GALNTL6: variants seen among roughly 807,000 people sequenced by gnomAD.
GALNTL6 encodes the protein polypeptide N-acetylgalactosaminyltransferase-like 6.
A neutral mutation model predicts 73.7 loss-of-function variants in GALNTL6; 46 were observed. The observed-to-expected ratio is 0.62, with a 90% confidence interval of 0.49 to 0.80. GALNTL6 has a LOEUF of 0.80. Ranked by LOEUF, GALNTL6 falls within the 30% of genes least tolerant of loss-of-function variation. The pLI, the probability that GALNTL6 is intolerant of heterozygous loss-of-function variation, is 0.00. For missense variants in GALNTL6, 604 were observed against 755.0 expected, an observed-to-expected ratio of 0.80 and a Z score of 2.34; for synonymous variants, 259 against 263.7, an observed-to-expected ratio of 0.98 and a Z score of 0.17.
At chr4:172,896,177 T>C (rs1184561124) in intron 8 of GALNTL6, among the ~76,000 whole-genome samples, 1 of 152,200 alleles carries the variant, frequency 6.6e-6, no homozygotes, top group African/African-American at 2.4e-5. Context: ...TTCTTGATGC[T>C]TGTGGATATG....
At chr4:172,381,131 T>C (rs1743268613) in intron 5 of GALNTL6, among the ~76,000 whole-genome samples, 1 of 152,220 alleles carries the variant, frequency 6.6e-6, no homozygotes, top group African/African-American at 2.4e-5. Flanking sequence ...CTGTGAAGAT[T>C]ATACTTACTT....
At chr4:171,892,582 G>A (rs887179084) in intron 2 of GALNTL6, among the ~76,000 whole-genome samples, 1 of 151,974 alleles carries the variant, frequency 6.6e-6, no homozygotes, top group African/African-American at 2.4e-5. Context: ...CGTTTTTTAA[G>A]ACAAAGCCTC....
intron 3 of GALNTL6, among the ~76,000 whole-genome samples, chr4:172,238,038 C>A (rs542695509): frequency 2.0e-5 from 3 of 152,018 alleles, no homozygotes; most frequent in Non-Finnish European, 4.4e-5. Flanking sequence ...CAGCTTTGTT[C>A]TTTTTGCTTA....
chr4:172,876,426 G>A (rs1358494979), intron 7 of GALNTL6, among the ~76,000 whole-genome samples: 1 of 152,264 alleles, frequency 6.6e-6, no homozygotes, highest in East Asian at 1.9e-4. Flanking sequence ...ATTTGCATTT[G>A]TAAATCTAGG....
intron 5 of GALNTL6, among the ~76,000 whole-genome samples, chr4:172,694,284 T>C (rs1425610207): frequency 6.6e-6 from 1 of 152,156 alleles, no homozygotes; most frequent in East Asian, 1.9e-4. Context: ...CCTAATGTTC[T>C]CCCTCCCCTT....
chr4:172,107,733 G>A (rs1052097849), intron 2 of GALNTL6, among the ~76,000 whole-genome samples: 14 of 150,232 alleles, frequency 9.3e-5, no homozygotes, highest in African/African-American at 3.2e-4. Context: ...GTTAAATGAC[G>A]AGTTAATGGG....
chr4:172,119,300 T>A (rs993230246), intron 2 of GALNTL6, among the ~76,000 whole-genome samples: 3 of 152,306 alleles, frequency 2.0e-5, no homozygotes, highest in Non-Finnish European at 4.4e-5. Flanking sequence ...TCAGATTTAT[T>A]TCAGTGCACT....
chr4:172,400,853 C>T (rs1744010326), intron 5 of GALNTL6, among the ~76,000 whole-genome samples: 1 of 152,062 alleles, frequency 6.6e-6, no homozygotes, highest in Non-Finnish European at 1.5e-5. Flanking sequence ...CTAAACATGA[C>T]CACTCTATCG....
intron 2 of GALNTL6, among the ~76,000 whole-genome samples, chr4:172,021,691 CT>C (rs1741405825): frequency 6.6e-6 from 1 of 151,880 alleles, no homozygotes. Flanking sequence ...ACTTCAAATT[CT>C]ACTACAGAGC....
At chr4:172,590,719 G>C (rs777922670) in intron 5 of GALNTL6, among the ~76,000 whole-genome samples, 3 of 152,116 alleles carry the variant, frequency 2.0e-5, no homozygotes, top group African/African-American at 7.2e-5. Context: ...TACATACAAA[G>C]AGTAAATGCC....
intron 2 of GALNTL6, among the ~76,000 whole-genome samples, chr4:172,221,557 TTG>T (rs35277058): frequency 6.6e-6 from 1 of 150,532 alleles, no homozygotes; most frequent in Admixed American, 6.6e-5. Context: ...TTTGTGGAGT[TTG>T]TGTGTGTGTG....
chr4:172,557,717 G>A (rs1215213461), intron 5 of GALNTL6, among the ~76,000 whole-genome samples: 2 of 152,122 alleles, frequency 1.3e-5, no homozygotes, highest in Non-Finnish European at 2.9e-5. Context: ...TAGAATGGCT[G>A]ACATTTAAAA....
In GALNTL6 at chr4:172,292,929, T is replaced by C. The variant is rs959364487; in HGVS notation, c.248-18685T>C. Among the ~76,000 whole-genome samples, 9 of 152,286 alleles carry C rather than the reference T, an allele frequency of 5.9e-5. No individual in the cohort carries two copies. In the East Asian group the frequency reaches 1.2e-3, roughly 20 times the overall value. On this transcript the variant is annotated intron_variant, in intron 3 of 12. Transcript: ENST00000506823. ...GGAACAATTGAAAGTTTGTGAGACA[T>C]AGATCACTAGTAATTTTTCATTCCA... is the stretch of plus-strand genomic sequence containing the variant.
chr4:172,182,562 A>G (rs1279097400), intron 2 of GALNTL6, among the ~76,000 whole-genome samples: 1 of 150,812 alleles, frequency 6.6e-6, no homozygotes, highest in African/African-American at 2.4e-5. Context: ...CCAAAAAAAA[A>G]AAAAAAAAGT....
chr4:172,965,256 G>A (rs1301375204), intron 10 of GALNTL6, among the ~76,000 whole-genome samples: 2 of 152,172 alleles, frequency 1.3e-5, no homozygotes, highest in Admixed American at 6.5e-5. Context: ...TCAACATTGA[G>A]ACAGGGCTAT....
intron 10 of GALNTL6, among the ~76,000 whole-genome samples, chr4:172,964,146 G>A (rs1160399173): frequency 6.6e-6 from 1 of 152,192 alleles, no homozygotes; most frequent in Non-Finnish European, 1.5e-5. Flanking sequence ...CAGGTTTAAA[G>A]TGGAAAACTA....
chr4:172,109,022 A>G (rs1449755178), intron 2 of GALNTL6, among the ~76,000 whole-genome samples: 2 of 39,546 alleles, frequency 5.1e-5, no homozygotes, highest in Non-Finnish European at 1.1e-4. Flanking sequence ...CCAAAAAAAA[A>G]AAAAAAAAAA....
chr4:172,259,169 A>G (rs971459114), intron 3 of GALNTL6, among the ~76,000 whole-genome samples: 53 of 151,414 alleles, frequency 3.5e-4, no homozygotes, highest in African/African-American at 1.2e-3. Context: ...TTAGTATTTT[A>G]AGGAATCTCC....
chr4:172,581,557 C>T (rs1393504277), intron 5 of GALNTL6, among the ~76,000 whole-genome samples: 1 of 152,186 alleles, frequency 6.6e-6, no homozygotes, highest in Non-Finnish European at 1.5e-5. Context: ...CTATTCTTTC[C>T]CTCTGTCCCA....
Sources: allele counts gnomAD v4.1 joint callset (sites outside exome capture counted in the v4.1 genomes callset), GRCh38; gene constraint gnomAD v4.1.1; transcripts MANE v1.5; gene names NCBI Gene and HGNC (gene_info 2026-07-23, HGNC 2026-07-21).